Variants in RGPD2 observed in about 807,000 individuals in gnomAD.
RGPD2 encodes RANBP2-like and GRIP domain-containing protein 2.
A neutral mutation model predicts 36.0 loss-of-function variants in RGPD2; 2 were observed. That is an observed-to-expected ratio of 0.06 (90% CI 0.02 to 0.17). The LOEUF (loss-of-function observed/expected upper bound fraction) is 0.17, where lower values mean the gene tolerates loss of function less well. Ranked by LOEUF, RGPD2 falls within the 10% of genes least tolerant of loss-of-function variation. RGPD2 has a pLI of 1.00. For synonymous variants in RGPD2, 19 were observed against 163.8 expected (o/e 0.12, Z 6.75); for missense variants, 40 against 464.3 (o/e 0.09, Z 8.40).
chr2:87,921,212 C>T, the RGPD2 span, among the ~76,000 whole-genome samples: 63 of 152,130 alleles, frequency 4.1e-4, no homozygotes, highest in Admixed American at 3.5e-3. Flanking sequence ...AGTATGTGAG[C>T]AAACTATAAA....
At chr2:87,911,893 T>C in the RGPD2 span, among the ~76,000 whole-genome samples, 23 of 151,052 alleles carry the variant, frequency 1.5e-4, no homozygotes, top group African/African-American at 4.8e-4. Flanking sequence ...TAAAAATTCA[T>C]CTGATGGAGC....
the RGPD2 span, among the ~76,000 whole-genome samples, chr2:87,854,718 C>CT: frequency 6.6e-6 from 1 of 152,116 alleles, no homozygotes; most frequent in East Asian, 1.9e-4. Context: ...TAGCACATCC[C>CT]TTTTTATCAC....
chr2:87,809,609 G>C (rs1486530572), intron 6 of RGPD2, among the ~76,000 whole-genome samples: 15 of 136,506 alleles, frequency 1.1e-4, no homozygotes, highest in South Asian at 5.2e-4. Context: ...GTTCACAAGG[G>C]GGGGTAACAA....
the RGPD2 span, among the ~76,000 whole-genome samples, chr2:87,957,866 C>G: frequency 6.6e-6 from 1 of 152,290 alleles, no homozygotes; most frequent in Non-Finnish European, 1.5e-5. Flanking sequence ...AAAAGAGAAT[C>G]TCAGAAAATT....
At chr2:87,956,267 AT>A in the RGPD2 span, among the ~76,000 whole-genome samples, 1,701 of 150,002 alleles carry the variant, frequency 0.011, 2 homozygotes, top group African/African-American at 0.039. Context: ...AATAATTTTA[AT>A]TTTTTTTCAA....
chr2:87,976,288 A>G, the RGPD2 span, among the ~76,000 whole-genome samples: 1 of 152,206 alleles, frequency 6.6e-6, no homozygotes, highest in Non-Finnish European at 1.5e-5. Flanking sequence ...TTTTTAATTA[A>G]AATTGATTTA....
the RGPD2 span, among the ~76,000 whole-genome samples, chr2:87,952,173 T>A: frequency 6.6e-6 from 1 of 152,262 alleles, no homozygotes; most frequent in South Asian, 2.1e-4. Flanking sequence ...TTATGAAACC[T>A]CAAACTATTG....
At chr2:87,887,783 C>T in the RGPD2 span, among the ~76,000 whole-genome samples, 5 of 108,814 alleles carry the variant, frequency 4.6e-5, no homozygotes, top group African/African-American at 1.1e-4. Flanking sequence ...CTATATACTA[C>T]GCATATTGTG....
chr2:87,857,143 C>A, the RGPD2 span, among the ~76,000 whole-genome samples: 8 of 152,330 alleles, frequency 5.3e-5, no homozygotes, highest in South Asian at 4.1e-4. Flanking sequence ...GCTTTTACAA[C>A]CTGAACTCCC....
chr2:87,866,574 C>T, the RGPD2 span, among the ~76,000 whole-genome samples: 1 of 152,256 alleles, frequency 6.6e-6, no homozygotes, highest in Non-Finnish European at 1.5e-5. Flanking sequence ...GATTTCCATT[C>T]GTTCATAGAG....
the RGPD2 span, among the ~76,000 whole-genome samples, chr2:87,966,158 C>T: frequency 6.6e-6 from 1 of 152,184 alleles, no homozygotes; most frequent in Non-Finnish European, 1.5e-5. Context: ...CTTCCAGTGT[C>T]TCCTTATCAT....
At chr2:87,824,744 C>A (rs1474980924) in intron 1 of RGPD2, among the ~76,000 whole-genome samples, 2 of 100,468 alleles carry the variant, frequency 2.0e-5, no homozygotes, top group Non-Finnish European at 4.4e-5. Flanking sequence ...CAGGCCGAGG[C>A]CGCCGCCGCC....
chr2:87,958,017 C>T, the RGPD2 span, among the ~76,000 whole-genome samples: 4 of 152,184 alleles, frequency 2.6e-5, no homozygotes, highest in African/African-American at 7.2e-5. Context: ...GCTAATTAAA[C>T]ATATGTTTAT....
the RGPD2 span, among the ~76,000 whole-genome samples, chr2:87,984,701 C>G: frequency 6.9e-6 from 1 of 145,224 alleles, no homozygotes; most frequent in Admixed American, 6.9e-5. Context: ...GAGGCTGAGA[C>G]GGGCAGATCA....
the RGPD2 span, among the ~76,000 whole-genome samples, chr2:87,933,432 G>A: frequency 3.1e-5 from 4 of 131,138 alleles, no homozygotes; most frequent in African/African-American, 1.1e-4. Flanking sequence ...GCTGAAGGTG[G>A]AATATGCAAT....
In RGPD2 at chr2:87,824,817, C is replaced by CAGGCCGAGGCCGAGGCCG. The variant is rs1433945648; in HGVS notation, c.72+840_72+841insCGGCCTCGGCCTCGGCCT. ...GAGGCCGCCGCCGCCGCCGCCCGGC[C>CAGGCCGAGGCCGAGGCCG]AGGCCGAGGCCGCCGCCGCCGCCGC... On this transcript the variant is annotated intron_variant, in intron 1 of 22. Coordinates refer to ENST00000398146, the MANE Select transcript of RGPD2 (RefSeq NM_001078170.3). 1.1e-4 allele frequency: 9 copies of CAGGCCGAGGCCGAGGCCG among 80,218 alleles called. 1 individual carries two copies. Among genetic ancestry groups the CAGGCCGAGGCCGAGGCCG allele is most frequent in the African/African-American group, 5.1e-4 (9 of 17,704 alleles). The allele number at this position is 80,218 out of a possible 1,614,324, so 5.0% of individuals were successfully genotyped here.
the RGPD2 span, among the ~76,000 whole-genome samples, chr2:87,924,141 G>GT: frequency 4.3e-4 from 60 of 140,062 alleles, no homozygotes; most frequent in Middle Eastern, 3.7e-3. Flanking sequence ...GCACTGCAAA[G>GT]TTTTTTTTTT....
the RGPD2 span, among the ~76,000 whole-genome samples, chr2:87,989,404 C>G: frequency 0.91 from 137,368 of 151,546 alleles, 62,595 homozygotes; most frequent in East Asian, 1. Context: ...CAGTGAGTCA[C>G]CATCATCAAA....
chr2:87,926,604 AT>A, the RGPD2 span, among the ~76,000 whole-genome samples: 1 of 3,760 alleles, frequency 2.7e-4, no homozygotes, highest in Non-Finnish European at 5.2e-4. Flanking sequence ...TGCATATCCC[AT>A]TTTTTTAGAA....
Sources: gnomAD v4.1 joint callset for allele counts (sites outside exome capture counted in the v4.1 genomes callset) on GRCh38, gnomAD v4.1.1 for gene constraint, MANE v1.5 for transcripts, NCBI Gene and HGNC (gene_info 2026-07-23, HGNC 2026-07-21) for gene names.